The following DCBLD1 variants were observed in gnomAD, a reference collection of about 807,000 sequenced individuals.
DCBLD1 encodes the protein discoidin, CUB and LCCL domain-containing protein 1.
DCBLD1 carries 57 observed loss-of-function variants against 71.5 expected under a neutral mutation model. The observed-to-expected ratio is 0.80, with a 90% CI of 0.64 to 0.99. DCBLD1 has a LOEUF of 0.99. Ranked by LOEUF, DCBLD1 falls within the 50% of genes least tolerant of loss-of-function variation. The pLI, the probability that DCBLD1 is intolerant of heterozygous loss-of-function variation, is 0.00. For synonymous variants in DCBLD1, 380 were observed against 363.8 expected (o/e 1.04, Z -0.51); for missense variants, 891 against 923.5 (o/e 0.96, Z 0.46).
intron 2 of DCBLD1, among the ~76,000 whole-genome samples, chr6:117,511,714 A>G (rs1562441377): frequency 6.6e-6 from 1 of 152,236 alleles, no homozygotes; most frequent in Non-Finnish European, 1.5e-5. Context: ...TTTAAATCCC[A>G]AAGAGGGGAA....
intron 14 of DCBLD1, among the ~76,000 whole-genome samples, chr6:117,546,885 C>G (rs1260957540): frequency 6.6e-6 from 1 of 152,146 alleles, no homozygotes; most frequent in East Asian, 1.9e-4. Flanking sequence ...ACAATCGAAT[C>G]CATTGTTCCT....
rs192804722 is a variant in DCBLD1 at position 117,485,547 on chromosome 6, C to T, written c.112+2654C>T. Among the ~76,000 whole-genome samples the T allele has an allele frequency of 3.3e-5, 5 of 152,286 alleles. No individual in the cohort carries two copies. The East Asian group carries it at 9.6e-4, about 29-fold the overall frequency. ...CTGTCACCTTCTGTACCAGTGTGTG[C>T]ACTCACCCTTCTGTTGTCTCATCTG... On this transcript the variant is annotated intron_variant, in intron 1 of 14. Transcript: ENST00000338728.
At chr6:117,552,471 C>A (rs1779444488), downstream of DCBLD1, among the ~76,000 whole-genome samples, 1 of 152,136 alleles carries the variant, frequency 6.6e-6, no homozygotes, top group Non-Finnish European at 1.5e-5. Context: ...CACCCTCCTC[C>A]CAACAGACTA....
rs1411112912 is a variant in DCBLD1 at position 117,532,168 on chromosome 6, CT to C, written c.586-91del. 6.0e-6 allele frequency: 9 copies of C among 1,508,892 alleles called. No homozygotes were observed. The Admixed American group carries it at 1.4e-4, about 23-fold the overall frequency. The allele number at this position is 1,508,892 out of a possible 1,614,324, so 93.5% of individuals were successfully genotyped here. Reference sequence around the variant, plus strand: ...AAGGCTTTATTCATTGGGGCCACTACTATAAATTACCACAGAAACAAAATAG... The same window carrying C: ...AAGGCTTTATTCATTGGGGCCACTACATAAATTACCACAGAAACAAAATAG... On this transcript the variant is annotated intron_variant, in intron 5 of 14. Coordinates refer to ENST00000338728, the MANE Select transcript of DCBLD1 (RefSeq NM_001366458.2).
In DCBLD1 at chr6:117,488,740, C is replaced by T. The variant is rs145268287; in HGVS notation, c.112+5847C>T. Among the ~76,000 whole-genome samples the T allele has an allele frequency of 1.9e-3, 293 of 152,332 alleles. 4 individuals are homozygous for T. The highest frequency in any genetic ancestry group is 6.8e-3 in the African/African-American group (281 of 41,594). ...AGGAAAACTGCCATGAGTGAGGGGC[C>T]GGCAGTCTTGAGCAAATGATCCACT... is the stretch of plus-strand genomic sequence containing the variant. On this transcript the variant is annotated intron_variant, in intron 1 of 14. Coordinates refer to ENST00000338728, the MANE Select transcript of DCBLD1 (RefSeq NM_001366458.2).
At chr6:117,527,189 A>G (rs1434235223) in intron 5 of DCBLD1, among the ~76,000 whole-genome samples, 1 of 152,190 alleles carries the variant, frequency 6.6e-6, no homozygotes, top group Admixed American at 6.5e-5. Context: ...ACACTCTTAT[A>G]TAATGTTATC....
At chr6:117,516,919 G>A (rs371545446) in intron 2 of DCBLD1, among the ~76,000 whole-genome samples, 17 of 152,246 alleles carry the variant, frequency 1.1e-4, no homozygotes, top group African/African-American at 2.2e-4. Flanking sequence ...CCCACAACAC[G>A]TGGGAATTCA....
intron 3 of DCBLD1, among the ~76,000 whole-genome samples, chr6:117,520,519 T>A (rs534872316): frequency 6.6e-6 from 1 of 152,272 alleles, no homozygotes; most frequent in Admixed American, 6.5e-5. Context: ...TTTTCACCAG[T>A]GAGCCCCTCC....
chr6:117,495,943 G>A (rs1378049287), intron 1 of DCBLD1, among the ~76,000 whole-genome samples: 2 of 152,200 alleles, frequency 1.3e-5, no homozygotes, highest in African/African-American at 4.8e-5. Context: ...ATCGTAGATA[G>A]GATCTCTTTA....
Position 117,519,846 on chromosome 6 carries a change from A to G in DCBLD1, c.356A>G (p.Lys119Arg), listed in dbSNP as rs776674091. 95 of 1,613,920 alleles carry G rather than the reference A, an allele frequency of 5.9e-5. No individual in the cohort carries two copies. In the South Asian group the frequency reaches 7.7e-4, roughly 13 times the overall value. ...GPYCGSMTVPKELLLNTSEVT... is the reference protein window; with the variant it reads ...GPYCGSMTVPRELLLNTSEVT... Reference sequence around the variant, plus strand: ...TACTGTGGAAGTATGACTGTTCCCAAAGAACTCTTGTTGAACACAAGTGAA... The same window carrying G: ...TACTGTGGAAGTATGACTGTTCCCAGAGAACTCTTGTTGAACACAAGTGAA... The change falls in exon 3 of 15, where the codon AAA becomes AGA. Residue 119 changes from lysine to arginine, a missense_variant. By Grantham distance (26) the Lys-to-Arg change is conservative. Transcript: ENST00000338728.
intron 7 of DCBLD1, among the ~76,000 whole-genome samples, chr6:117,538,396 T>G (rs1047353289): frequency 6.6e-6 from 1 of 152,286 alleles, no homozygotes; most frequent in Middle Eastern, 3.4e-3. Context: ...GGATGTGACT[T>G]GGAGGTCTAT....
intron 1 of DCBLD1, among the ~76,000 whole-genome samples, chr6:117,496,653 T>C (rs1273084789): frequency 6.6e-6 from 1 of 152,068 alleles, no homozygotes; most frequent in Non-Finnish European, 1.5e-5. Flanking sequence ...GTAACTTGAA[T>C]ATTAGAAGAG....
At chr6:117,498,954 A>G (rs1478951063) in intron 1 of DCBLD1, among the ~76,000 whole-genome samples, 5 of 152,200 alleles carry the variant, frequency 3.3e-5, no homozygotes, top group Non-Finnish European at 7.3e-5. Flanking sequence ...GATTCAAGCA[A>G]GTCTCACTTA....
chr6:117,549,886 T>G, downstream of DCBLD1: 1 of 984,008 alleles, frequency 1.0e-6, no homozygotes, highest in Non-Finnish European at 1.2e-6. Flanking sequence ...GGTGCCACAG[T>G]GGAAAGAGAA....
intron 9 of DCBLD1, 141 bp from the exon 10 acceptor site, chr6:117,540,527 C>T (rs1779055177): frequency 3.1e-6 from 3 of 972,140 alleles, no homozygotes; most frequent in Non-Finnish European, 4.5e-6. Flanking sequence ...AGCCTCGTAT[C>T]TTCAATATCA....
intron 2 of DCBLD1, among the ~76,000 whole-genome samples, chr6:117,515,113 A>AG (rs1170374754): frequency 1.4e-5 from 2 of 146,830 alleles, no homozygotes; most frequent in South Asian, 2.2e-4. Flanking sequence ...TCCACCCCCC[A>AG]GGTTCAAGCA....
chr6:117,552,781 A>C (rs1040218754), downstream of DCBLD1, among the ~76,000 whole-genome samples: 2 of 152,156 alleles, frequency 1.3e-5, no homozygotes, highest in African/African-American at 4.8e-5. Flanking sequence ...CAAGAACCCC[A>C]GCACTGTAAA....
chr6:117,569,575 C>T, intron 14 of DCBLD1: 1 of 1,612,502 alleles, frequency 6.2e-7, no homozygotes, highest in Non-Finnish European at 8.5e-7. Context: ...AATTTACCTG[C>T]TGAGAAAGAA....
chr6:117,567,270 CAT>C (rs1562137942), intron 14 of DCBLD1, among the ~76,000 whole-genome samples: 1 of 152,082 alleles, frequency 6.6e-6, no homozygotes, highest in Non-Finnish European at 1.5e-5. Context: ...TTCTACTGAC[CAT>C]AGTCTTTTTG....
Sources: gnomAD v4.1 joint callset for allele counts (sites outside exome capture counted in the v4.1 genomes callset) on GRCh38, gnomAD v4.1.1 for gene constraint, MANE v1.5 for transcripts, NCBI Gene and HGNC (gene_info 2026-07-23, HGNC 2026-07-21) for gene names.